ITK: variants seen among roughly 807,000 people sequenced by gnomAD.
The protein encoded by ITK is tyrosine-protein kinase ITK/TSK.
Under a neutral mutation model 87.6 loss-of-function variants are expected in ITK, and 45 were observed. The ratio of observed to expected loss-of-function variants is 0.51; its 90% CI spans 0.40 to 0.66. ITK has a LOEUF of 0.66. Among genes scored for constraint, ITK ranks in the 30% least tolerant of loss-of-function variants. The probability of loss-of-function intolerance (pLI) is 0.00; values close to 1 mark genes in which losing one functional copy is unlikely to be tolerated. For missense variants in ITK, 605 were observed against 766.3 expected (o/e 0.79, Z 2.48); for synonymous variants, 303 against 273.6 (o/e 1.11, Z -1.06).
intron 13 of ITK, chr5:157,244,959 C>A: frequency 4.7e-6 from 1 of 210,956 alleles, no homozygotes; most frequent in Non-Finnish European, 9.7e-6. Flanking sequence ...GGTGCGGTGG[C>A]TCATGCCTGT....
intron 3 of ITK, chr5:157,213,447 G>A (rs996183772): frequency 1.0e-4 from 39 of 373,824 alleles, no homozygotes; most frequent in Middle Eastern, 9.4e-4. Flanking sequence ...GCACAAGCAT[G>A]GCTCACTGCA....
intron 1 of ITK, among the ~76,000 whole-genome samples, chr5:157,188,029 G>A (rs1429433221): frequency 6.6e-6 from 1 of 152,044 alleles, no homozygotes; most frequent in Non-Finnish European, 1.5e-5. Flanking sequence ...TCAAATTCCT[G>A]GGCTCAAGCA....
intron 15 of ITK, among the ~76,000 whole-genome samples, chr5:157,247,241 T>C (rs1367533419): frequency 6.6e-6 from 1 of 152,250 alleles, no homozygotes; most frequent in Non-Finnish European, 1.5e-5. Flanking sequence ...TTGTTCATTA[T>C]GAGTCCTACC....
chr5:157,217,593 A>G (rs1232513460), intron 4 of ITK, among the ~76,000 whole-genome samples: 1 of 152,138 alleles, frequency 6.6e-6, no homozygotes, highest in Non-Finnish European at 1.5e-5. Context: ...TTTCCTGGGA[A>G]TACAGAAAGA....
At chr5:157,188,052 C>T (rs1416126087) in intron 1 of ITK, among the ~76,000 whole-genome samples, 1 of 152,170 alleles carries the variant, frequency 6.6e-6, no homozygotes, top group African/African-American at 2.4e-5. Context: ...CCTCCTGCCT[C>T]AGCCTCCAAA....
intron 5 of ITK, among the ~76,000 whole-genome samples, chr5:157,219,770 G>A (rs1249800560): frequency 6.6e-6 from 1 of 152,128 alleles, no homozygotes; most frequent in African/African-American, 2.4e-5. Flanking sequence ...CCTTGCAGAC[G>A]GTTCCCTCAA....
At chr5:157,190,455 G>A (rs981574064) in intron 1 of ITK, among the ~76,000 whole-genome samples, 7 of 152,204 alleles carry the variant, frequency 4.6e-5, no homozygotes, top group African/African-American at 7.2e-5. Flanking sequence ...TGTGAGGAAC[G>A]CAGTGGTAAG....
intron 16 of ITK, 152 bp from the exon 17 acceptor site, chr5:157,252,455 T>C: frequency 1.4e-6 from 1 of 700,006 alleles, no homozygotes; most frequent in Non-Finnish European, 2.6e-6. Flanking sequence ...TACCTGCTGT[T>C]AACAACTAGG....
intron 8 of ITK, among the ~76,000 whole-genome samples, chr5:157,233,172 C>T (rs761995078): frequency 1.8e-4 from 27 of 152,098 alleles, no homozygotes; most frequent in Non-Finnish European, 3.2e-4. Context: ...TTCTGGGCCT[C>T]GGTTTCTCAG....
At chr5:157,242,248 T>C (rs1203782865) in intron 11 of ITK, among the ~76,000 whole-genome samples, 2 of 152,206 alleles carry the variant, frequency 1.3e-5, no homozygotes, top group Non-Finnish European at 1.5e-5. Flanking sequence ...ATTGCTTCAC[T>C]CACTTGGGAT....
At chr5:157,230,720 C>G (rs1462596508) in intron 7 of ITK, among the ~76,000 whole-genome samples, 1 of 152,118 alleles carries the variant, frequency 6.6e-6, no homozygotes, top group Non-Finnish European at 1.5e-5. Context: ...TTTGTTTGTT[C>G]AACTTTGCTT....
intron 1 of ITK, among the ~76,000 whole-genome samples, chr5:157,202,784 T>C (rs1382553331): frequency 6.6e-6 from 1 of 152,248 alleles, no homozygotes; most frequent in Non-Finnish European, 1.5e-5. Flanking sequence ...TTACTTGTTA[T>C]GTTTTGCATT....
chr5:157,249,157 G>A lies in ITK; in HGVS notation c.1791+150G>A, dbSNP rs559947543. The stretch of plus-strand genomic sequence containing the variant: ...AACATGACTTTGAGGATCTGTTAAC[G>A]GGATAGATCCCCCATCCCTAAAGGA... On this transcript the variant is annotated intron_variant, in intron 16 of 16. Coordinates refer to ENST00000422843, the MANE Select transcript of ITK (RefSeq NM_005546.4). The A allele has an allele frequency of 1.3e-4, 99 of 746,408 alleles. 1 individual carries two copies. The highest frequency in any genetic ancestry group is 7.6e-4 in the South Asian group (50 of 66,102). 46.2% of individuals were successfully genotyped at this position (746,408 alleles called of 1,614,324 possible).
chr5:157,227,821 CCT>C (rs1754563020), intron 6 of ITK, among the ~76,000 whole-genome samples: 2 of 130,232 alleles, frequency 1.5e-5, no homozygotes, highest in African/African-American at 6.1e-5. Context: ...TTTACCAATT[CCT>C]TTTTTTTTTT....
At chr5:157,242,537 G>A (rs1430144132) in intron 11 of ITK, among the ~76,000 whole-genome samples, 3 of 152,200 alleles carry the variant, frequency 2.0e-5, no homozygotes, top group South Asian at 2.1e-4. Flanking sequence ...ATGCAGTGGC[G>A]TAATCATGGC....
intron 6 of ITK, among the ~76,000 whole-genome samples, chr5:157,225,944 T>C (rs1205752554): frequency 6.6e-6 from 1 of 152,238 alleles, no homozygotes; most frequent in East Asian, 1.9e-4. Context: ...TTTGGTGACC[T>C]GTGGAAAGGC....
rs760714005 is a variant in ITK, at chr5:157,240,012, C to T, written c.852-50C>T. On this transcript the variant is annotated intron_variant, in intron 9 of 16. Transcript: ENST00000422843. ...TTAATACTCGTAGACTTTTTTGTGT[C>T]TCAACATTGCTTCTTAATAATCATT... 6 of 1,583,804 alleles carry T rather than the reference C, an allele frequency of 3.8e-6. No individual in the cohort carries two copies. In the Admixed American group the frequency reaches 8.4e-5, roughly 22 times the overall value.
chr5:157,216,857 C>T (rs1754308292), intron 4 of ITK, among the ~76,000 whole-genome samples: 1 of 152,120 alleles, frequency 6.6e-6, no homozygotes, highest in African/African-American at 2.4e-5. Flanking sequence ...CTATCCCAGC[C>T]TACTCTTTCT....
chr5:157,240,378 A>G (rs1489124717), intron 10 of ITK, 183 bp downstream of exon 10: 1 of 646,510 alleles, frequency 1.5e-6, no homozygotes, highest in African/African-American at 1.8e-5. Flanking sequence ...TAAGAATCAA[A>G]TGCCTGATGA....
Sources: gnomAD v4.1 joint callset for allele counts (sites outside exome capture counted in the v4.1 genomes callset) on GRCh38, gnomAD v4.1.1 for gene constraint, MANE v1.5 for transcripts, NCBI Gene and HGNC (gene_info 2026-07-23, HGNC 2026-07-21) for gene names.